The following CXCL13 variants were observed in gnomAD, a reference collection of about 807,000 sequenced individuals.
CXCL13 encodes the protein C-X-C motif chemokine ligand 13.
Under a neutral mutation model 12.2 loss-of-function variants are expected in CXCL13, and 7 were observed. The observed-to-expected ratio is 0.57, with a 90% CI of 0.33 to 1.07. CXCL13 has a LOEUF of 1.07. Ranked by LOEUF, CXCL13 falls within the 50% of genes least tolerant of loss-of-function variation. The pLI, the probability that CXCL13 is intolerant of heterozygous loss-of-function variation, is 0.04. For missense variants in CXCL13, 113 were observed against 127.4 expected, an observed-to-expected ratio of 0.89 and a Z score of 0.55; for synonymous variants, 47 against 42.4, an observed-to-expected ratio of 1.11 and a Z score of -0.42.
upstream of CXCL13, among the ~76,000 whole-genome samples, chr4:77,602,798 A>G (rs1434848921): frequency 1.3e-5 from 2 of 152,072 alleles, no homozygotes; most frequent in African/African-American, 4.8e-5. Flanking sequence ...TTTTAAATCT[A>G]TTTGTTTAAA....
At chr4:77,549,285 G>A (rs1725451074) in intron 1 of CXCL13, among the ~76,000 whole-genome samples, 1 of 152,104 alleles carries the variant, frequency 6.6e-6, no homozygotes, top group Admixed American at 6.6e-5. Flanking sequence ...GTTAGAATAT[G>A]TTCCTTTAGC....
chr4:77,567,698 T>C (rs917497846), intron 1 of CXCL13, among the ~76,000 whole-genome samples: 1 of 152,158 alleles, frequency 6.6e-6, no homozygotes, highest in Non-Finnish European at 1.5e-5. Flanking sequence ...CTGCTAATTA[T>C]AGTATATTAC....
At chr4:77,518,381 G>T (rs959517641) in intron 1 of CXCL13, among the ~76,000 whole-genome samples, 9 of 152,140 alleles carry the variant, frequency 5.9e-5, no homozygotes, top group Non-Finnish European at 1.3e-4. Flanking sequence ...ATAATATCCT[G>T]CAGAGTGTTT....
At chr4:77,524,904 T>C (rs80206794) in intron 1 of CXCL13, among the ~76,000 whole-genome samples, 1,554 of 152,318 alleles carry the variant, frequency 0.01, 26 homozygotes, top group East Asian at 0.026. Context: ...CATACACAAA[T>C]ATTTTTACTT....
At chr4:77,606,431 C>T (rs1727005304) in intron 1 of CXCL13, among the ~76,000 whole-genome samples, 1 of 152,334 alleles carries the variant, frequency 6.6e-6, no homozygotes, top group South Asian at 2.1e-4. Context: ...ACTTCCATGT[C>T]TAAGTGGGGC....
chr4:77,595,304 T>G (rs1726723648), intron 1 of CXCL13, among the ~76,000 whole-genome samples: 1 of 152,196 alleles, frequency 6.6e-6, no homozygotes, highest in South Asian at 2.1e-4. Context: ...AAAGTATCCC[T>G]AGTTTGTACT....
intron 1 of CXCL13, among the ~76,000 whole-genome samples, chr4:77,549,297 C>T (rs187338329): frequency 7.2e-5 from 11 of 152,276 alleles, no homozygotes; most frequent in South Asian, 2.1e-4. Context: ...TCCTTTAGCT[C>T]GGAGAAGTTT....
chr4:77,539,337 G>A (rs1725146206), intron 1 of CXCL13, among the ~76,000 whole-genome samples: 1 of 152,198 alleles, frequency 6.6e-6, no homozygotes, highest in Admixed American at 6.5e-5. Flanking sequence ...ACTTTGGCCA[G>A]GCTGGTCTCA....
At chr4:77,560,568 T>C (rs920520679) in intron 1 of CXCL13, among the ~76,000 whole-genome samples, 5 of 152,216 alleles carry the variant, frequency 3.3e-5, no homozygotes, top group Admixed American at 6.5e-5. Context: ...CCAGGCTCAA[T>C]TGAAGTCTCC....
intron 1 of CXCL13, among the ~76,000 whole-genome samples, chr4:77,576,548 G>C (rs1726203595): frequency 6.6e-6 from 1 of 152,118 alleles, no homozygotes; most frequent in African/African-American, 2.4e-5. Flanking sequence ...CACCATCCTT[G>C]TCCAGGGTTC....
chr4:77,604,737 C>T (rs146693034), upstream of CXCL13, among the ~76,000 whole-genome samples: 8 of 152,214 alleles, frequency 5.3e-5, no homozygotes, highest in Non-Finnish European at 1.2e-4. Context: ...CCACTTCTAC[C>T]CCCATGAATA....
intron 1 of CXCL13, among the ~76,000 whole-genome samples, chr4:77,526,294 T>G (rs1049362763): frequency 6.6e-6 from 1 of 151,990 alleles, no homozygotes. Flanking sequence ...ATAAAAGAGA[T>G]AACATAAATT....
At chr4:77,533,801 G>A (rs1252414846) in intron 1 of CXCL13, among the ~76,000 whole-genome samples, 3 of 152,186 alleles carry the variant, frequency 2.0e-5, no homozygotes, top group African/African-American at 7.2e-5. Context: ...CTAGCCATGA[G>A]CAAGGGCCCA....
intron 1 of CXCL13, among the ~76,000 whole-genome samples, chr4:77,521,933 G>A (rs147782163): frequency 3.7e-4 from 56 of 152,162 alleles, no homozygotes; most frequent in African/African-American, 1.3e-3. Context: ...TGGTTTCAAA[G>A]AACATCTTTA....
intron 1 of CXCL13, among the ~76,000 whole-genome samples, chr4:77,557,313 G>T (rs1034370098): frequency 2.0e-5 from 3 of 152,118 alleles, no homozygotes; most frequent in Non-Finnish European, 4.4e-5. Context: ...CTGTGGAAAG[G>T]CTAGGGGAAT....
chr4:77,525,819 C>T (rs965889680), intron 1 of CXCL13, among the ~76,000 whole-genome samples: 11 of 151,976 alleles, frequency 7.2e-5, no homozygotes. Flanking sequence ...TGGTCATGGC[C>T]ATGATGGTGT....
rs147954226 is a variant in CXCL13, at chr4:77,610,364, C to T, written c.198-250C>T. 8.5e-5 allele frequency among the ~76,000 whole-genome samples: 13 copies of T among 152,318 alleles called. No individual in the cohort carries two copies. The East Asian group carries it at 2.1e-3, about 25-fold the overall frequency. ...GTAAATGTTATCAACAAAACACTAACCTCTGACATGTGAGGCCCTCGCAGC... is the reference window on the plus strand; with the variant it reads ...GTAAATGTTATCAACAAAACACTAATCTCTGACATGTGAGGCCCTCGCAGC... On this transcript the variant is annotated intron_variant, in intron 2 of 3. Transcript: ENST00000682537.
chr4:77,564,887 C>T (rs1312094627), intron 1 of CXCL13, among the ~76,000 whole-genome samples: 1 of 152,150 alleles, frequency 6.6e-6, no homozygotes, highest in Non-Finnish European at 1.5e-5. Context: ...CAAAGTTCCC[C>T]ATTTCTTCAG....
chr4:77,523,676 A>C (rs1724679783), intron 1 of CXCL13, among the ~76,000 whole-genome samples: 1 of 152,140 alleles, frequency 6.6e-6, no homozygotes, highest in Admixed American at 6.5e-5. Flanking sequence ...AGCTTGGAGA[A>C]GTTTGTTATT....
Sources: allele counts gnomAD v4.1 joint callset (sites outside exome capture counted in the v4.1 genomes callset), GRCh38; gene constraint gnomAD v4.1.1; transcripts MANE v1.5; gene names NCBI Gene and HGNC (gene_info 2026-07-23, HGNC 2026-07-21).